TENM3: variants seen among roughly 807,000 people sequenced by gnomAD.
TENM3 encodes the protein teneurin transmembrane protein 3, also known as teneurin-3.
In TENM3, 63 loss-of-function variants were observed where a neutral mutation model predicts 255.1. The ratio of observed to expected loss-of-function variants is 0.25; its 90% CI spans 0.20 to 0.30. The LOEUF (loss-of-function observed/expected upper bound fraction) is 0.30. Ranked by LOEUF, TENM3 falls within the 10% of genes least tolerant of loss-of-function variation. The probability of loss-of-function intolerance (pLI) is 1.00; values close to 1 mark genes in which losing one functional copy is unlikely to be tolerated. For missense variants in TENM3, 2,929 were observed against 3,461.1 expected (o/e 0.85, Z 3.86); for synonymous variants, 1,306 against 1,322.3 (o/e 0.99, Z 0.27).
the TENM3 span, among the ~76,000 whole-genome samples, chr4:181,789,855 G>A: frequency 2.2e-4 from 33 of 152,106 alleles, no homozygotes; most frequent in African/African-American, 5.3e-4. Context: ...CCCCCTCCCC[G>A]GTACCATGTC....
the TENM3 span, among the ~76,000 whole-genome samples, chr4:181,528,194 G>T: frequency 6.6e-6 from 1 of 151,830 alleles, no homozygotes; most frequent in Non-Finnish European, 1.5e-5. Context: ...TATATTGGAC[G>T]TTTACTTTTT....
At chr4:182,675,566 T>A (rs1755602087) in intron 7 of TENM3, among the ~76,000 whole-genome samples, 1 of 152,048 alleles carries the variant, frequency 6.6e-6, no homozygotes, top group African/African-American at 2.4e-5. Flanking sequence ...AAAAGCAGAT[T>A]TTCTTAAGTG....
At chr4:181,801,254 G>A in the TENM3 span, among the ~76,000 whole-genome samples, 3 of 151,988 alleles carry the variant, frequency 2.0e-5, no homozygotes, top group Non-Finnish European at 2.9e-5. Context: ...TTGTTTGCTT[G>A]TTTTCTCTAA....
chr4:181,971,540 G>A, the TENM3 span, among the ~76,000 whole-genome samples: 3 of 152,064 alleles, frequency 2.0e-5, no homozygotes, highest in African/African-American at 7.2e-5. Flanking sequence ...GTCCAGGGAT[G>A]GGGAAGTTGT....
chr4:181,602,415 C>T, the TENM3 span, among the ~76,000 whole-genome samples: 1 of 152,088 alleles, frequency 6.6e-6, no homozygotes, highest in Admixed American at 6.6e-5. Context: ...TTTCTTGCAT[C>T]GTAGTTAGTA....
At position 182,730,041 on chromosome 4, in the gene TENM3, G is replaced by A. The variant is rs72995182; in HGVS notation, c.2586-159G>A. Among the ~76,000 whole-genome samples, 12,599 of 152,178 alleles carry A rather than the reference G, an allele frequency of 0.083. 801 individuals carry two copies. The highest frequency in any genetic ancestry group is 0.17 in the African/African-American group (7,083 of 41,486). On this transcript the variant is annotated intron_variant, in intron 14 of 27. Coordinates refer to ENST00000511685, the MANE Select transcript of TENM3 (RefSeq NM_001080477.4). ...AATATGCGTTACACTGAATTAAAAGGGACATTGTCTTGGGAGTATTTCAGG... is the reference window on the plus strand; with the variant it reads ...AATATGCGTTACACTGAATTAAAAGAGACATTGTCTTGGGAGTATTTCAGG...
In TENM3 at chr4:182,626,767, C is replaced by T. The variant is rs553108074; in HGVS notation, c.750-1884C>T. On this transcript the variant is annotated intron_variant, in intron 4 of 27. Coordinates refer to ENST00000511685, the MANE Select transcript of TENM3 (RefSeq NM_001080477.4). ...GGGGGAGATGGGCTCATAATACAGT[C>T]GCTAGTATAATTTGTACAAGTGGCA... Among the ~76,000 whole-genome samples the T allele has an allele frequency of 3.3e-5, 5 of 152,228 alleles. No homozygotes were observed. The South Asian group carries it at 6.2e-4, about 19-fold the overall frequency.
intron 1 of TENM3, among the ~76,000 whole-genome samples, chr4:182,151,733 CTATT>C (rs1750372587): frequency 6.6e-6 from 1 of 151,980 alleles, no homozygotes; most frequent in South Asian, 2.1e-4. Context: ...ACATTTTTCT[CTATT>C]TATAAGCAAA....
rs376360707 is a variant in TENM3, at chr4:182,455,313, T to C, written c.511+108384T>C. On this transcript the variant is annotated intron_variant, in intron 3 of 27. Transcript: ENST00000511685. ...AATTCAAGCTCTCTTCAGTTCTCCT[T>C]AGACTAAGCTTTCCATTTGGGTTGC... 2.3e-4 allele frequency among the ~76,000 whole-genome samples: 35 copies of C among 152,144 alleles called. No homozygotes were observed. In the East Asian group the frequency reaches 2.5e-3, roughly 11 times the overall value.
Position 182,743,175 on chromosome 4 carries a change from C to T in TENM3, c.3385C>T (p.Leu1129=). Reference sequence around the variant, plus strand: ...ATGCACTTTATTTCTTCTAGGTATACTGTACAAGGGAAACGGGGAAAACCA... The same window carrying T: ...ATGCACTTTATTTCTTCTAGGTATATTGTACAAGGGAAACGGGGAAAACCA... The part of the protein sequence containing the change: ...HHVLDVQNGI[L]YKGNGENQFI... Residue 1129 remains leucine, a synonymous_variant, in exon 19 of 28, where the codon CTG becomes TTG. Transcript: ENST00000511685. The T allele has an allele frequency of 6.9e-6, 11 of 1,604,538 alleles. No homozygotes were observed. Among genetic ancestry groups the T allele is most frequent in the Non-Finnish European group, 8.5e-6 (10 of 1,172,298 alleles).
chr4:182,157,977 C>T (rs1750827533), intron 1 of TENM3, among the ~76,000 whole-genome samples: 1 of 151,948 alleles, frequency 6.6e-6, no homozygotes, highest in Admixed American at 6.5e-5. Flanking sequence ...TCCTTTTTTT[C>T]CCCATTTTTG....
At chr4:181,800,124 A>T in the TENM3 span, among the ~76,000 whole-genome samples, 4 of 152,168 alleles carry the variant, frequency 2.6e-5, no homozygotes, top group African/African-American at 9.7e-5. Flanking sequence ...AACTGTTATT[A>T]AAAACAATAA....
chr4:181,770,028 G>C, the TENM3 span, among the ~76,000 whole-genome samples: 18 of 152,274 alleles, frequency 1.2e-4, no homozygotes, highest in South Asian at 1.2e-3. Flanking sequence ...GGAACCCTTT[G>C]TGGCTGCGCC....
intron 1 of TENM3, among the ~76,000 whole-genome samples, chr4:182,203,167 A>C (rs1186784941): frequency 6.6e-6 from 1 of 151,918 alleles, no homozygotes; most frequent in Non-Finnish European, 1.5e-5. Context: ...CAGTGAGCCG[A>C]GATCGTGCCA....
At chr4:182,605,070 G>A (rs1581078326) in intron 4 of TENM3, among the ~76,000 whole-genome samples, 4 of 152,104 alleles carry the variant, frequency 2.6e-5, no homozygotes, top group Admixed American at 1.3e-4. Context: ...TACACACACC[G>A]GGTCTGAGTC....
chr4:181,451,925 T>A, the TENM3 span, among the ~76,000 whole-genome samples: 1 of 151,940 alleles, frequency 6.6e-6, no homozygotes. Flanking sequence ...TTTTTTAAGA[T>A]CTTGAACAGA....
the TENM3 span, among the ~76,000 whole-genome samples, chr4:182,125,714 C>G: frequency 6.9e-6 from 1 of 144,812 alleles, no homozygotes; most frequent in Non-Finnish European, 1.5e-5. Context: ...TAAAATAAAA[C>G]AAAAAAGAGG....
chr4:181,499,381 T>C, the TENM3 span, among the ~76,000 whole-genome samples: 1 of 152,220 alleles, frequency 6.6e-6, no homozygotes, highest in African/African-American at 2.4e-5. Context: ...AATGATAGCA[T>C]CCAACAATAA....
intron 4 of TENM3, among the ~76,000 whole-genome samples, chr4:182,611,182 A>C (rs1436672851): frequency 6.6e-6 from 1 of 152,026 alleles, no homozygotes; most frequent in Non-Finnish European, 1.5e-5. Context: ...GATCTCCAAA[A>C]AATTTTTTAT....
Sources: gnomAD v4.1 joint callset for allele counts (sites outside exome capture counted in the v4.1 genomes callset) on GRCh38, gnomAD v4.1.1 for gene constraint, MANE v1.5 for transcripts, NCBI Gene and HGNC (gene_info 2026-07-23, HGNC 2026-07-21) for gene names.